GPR158: variants seen among roughly 807,000 people sequenced by gnomAD.
GPR158 encodes the protein metabotropic glycine receptor.
In GPR158, 30 loss-of-function variants were observed where a neutral mutation model predicts 78.2. That is an observed-to-expected ratio of 0.38 (90% confidence interval 0.29 to 0.52). GPR158 has a LOEUF of 0.52. Among genes scored for constraint, GPR158 ranks in the 20% least tolerant of loss-of-function variants. GPR158 has a pLI of 0.83. For missense variants in GPR158, 1,463 were observed against 1,523.5 expected, an observed-to-expected ratio of 0.96 and a Z score of 0.66; for synonymous variants, 581 against 591.1, an observed-to-expected ratio of 0.98 and a Z score of 0.25.
chr10:25,404,552 A>G (rs1411753217), intron 3 of GPR158, among the ~76,000 whole-genome samples: 1 of 152,122 alleles, frequency 6.6e-6, no homozygotes, highest in Admixed American at 6.6e-5. Flanking sequence ...CAGTAGATAG[A>G]ATACCTGTTA....
chr10:25,493,696 G>A (rs1380281513), intron 5 of GPR158, among the ~76,000 whole-genome samples: 1 of 152,166 alleles, frequency 6.6e-6, no homozygotes. Flanking sequence ...TAGTATCTGT[G>A]TTGAGAAATT....
intron 3 of GPR158, among the ~76,000 whole-genome samples, chr10:25,410,136 A>G (rs777827698): frequency 6.6e-6 from 1 of 152,182 alleles, no homozygotes. Context: ...TACATTTCCC[A>G]GTAATTATCC....
At chr10:25,306,453 C>G (rs555125970) in intron 2 of GPR158, among the ~76,000 whole-genome samples, 5 of 152,246 alleles carry the variant, frequency 3.3e-5, no homozygotes, top group African/African-American at 1.2e-4. Context: ...TCATGGTACA[C>G]AGAGTCGATT....
chr10:25,596,673 G>T lies in GPR158; in HGVS notation c.2029G>T (p.Asp677Tyr), dbSNP rs1292311306. Residue 677 changes from aspartate (D) to tyrosine (Y), a missense_variant, in exon 10 of 11, where the codon GAT (aspartate) becomes TAT (tyrosine). Coordinates refer to ENST00000376351, the MANE Select transcript of GPR158 (RefSeq NM_020752.3). ...FSHSSNNPRD[D>Y]IATEAYEDEL... ...ACATTCAAGCAATAACCCACGAGAT[G>T]ATATTGCTACAGAAGCATATGAGGA... 6.2e-7 allele frequency: 1 copy of T among 1,613,516 alleles called. No homozygotes were observed. Among genetic ancestry groups the T allele is most frequent in the East Asian group, 2.2e-5 (1 of 44,880 alleles).
chr10:25,500,618 G>A (rs768596561), intron 5 of GPR158, among the ~76,000 whole-genome samples: 7 of 152,266 alleles, frequency 4.6e-5, no homozygotes, highest in East Asian at 3.9e-4. Flanking sequence ...GTGTTTGTTC[G>A]CTTGGAATTA....
chr10:25,542,690 G>C (rs1264402905), intron 5 of GPR158, among the ~76,000 whole-genome samples: 2 of 151,836 alleles, frequency 1.3e-5, no homozygotes, highest in East Asian at 3.9e-4. Flanking sequence ...TGGGCGTGGT[G>C]GTGGGCACCT....
intron 2 of GPR158, among the ~76,000 whole-genome samples, chr10:25,352,950 A>G (rs1278550321): frequency 2.6e-5 from 4 of 152,074 alleles, no homozygotes; most frequent in Non-Finnish European, 5.9e-5. Flanking sequence ...AAAATAAATG[A>G]CATATGCAGT....
At chr10:25,216,122 A>G (rs1853209452) in intron 1 of GPR158, among the ~76,000 whole-genome samples, 1 of 152,144 alleles carries the variant, frequency 6.6e-6, no homozygotes, top group South Asian at 2.1e-4. Context: ...TCCCAAAGCC[A>G]CTAGCATAGA....
chr10:25,293,808 C>T (rs149171708), intron 2 of GPR158, among the ~76,000 whole-genome samples: 31 of 150,928 alleles, frequency 2.1e-4, no homozygotes, highest in African/African-American at 5.9e-4. Context: ...TGCAGTGGCA[C>T]GATCTTGGCT....
intron 2 of GPR158, among the ~76,000 whole-genome samples, chr10:25,276,181 A>T (rs148495045): frequency 2.1e-4 from 32 of 152,308 alleles, no homozygotes; most frequent in Middle Eastern, 3.4e-3. Flanking sequence ...GACGTGGTAC[A>T]TTTAATTAGC....
intron 2 of GPR158, among the ~76,000 whole-genome samples, chr10:25,350,605 G>A (rs1028275046): frequency 2.6e-5 from 4 of 151,986 alleles, no homozygotes; most frequent in Non-Finnish European, 4.4e-5. Context: ...AGCAAGATAA[G>A]GGTATTGAAA....
intron 5 of GPR158, among the ~76,000 whole-genome samples, chr10:25,527,351 A>C (rs1273030821): frequency 6.6e-6 from 1 of 152,198 alleles, no homozygotes; most frequent in Non-Finnish European, 1.5e-5. Flanking sequence ...TATACCATAA[A>C]ATGAATCCCT....
intron 2 of GPR158, among the ~76,000 whole-genome samples, chr10:25,372,731 A>G (rs1274916639): frequency 5.3e-5 from 6 of 113,346 alleles, no homozygotes; most frequent in Middle Eastern, 4.7e-3. Flanking sequence ...GGGGGGAGGG[A>G]TAGCACTGGG....
rs1216144782 is a variant in GPR158 at position 25,298,363 on chromosome 10, A to T, written c.1008+77206A>T. Reference sequence around the variant, plus strand: ...ATCTTTTAAAACAGGTCTTTTCTTTAAAAAATGTAAAGTTGTCTTATTGTT... The same window carrying T: ...ATCTTTTAAAACAGGTCTTTTCTTTTAAAAATGTAAAGTTGTCTTATTGTT... On this transcript the variant is annotated intron_variant, in intron 2 of 10. Coordinates refer to ENST00000376351, the MANE Select transcript of GPR158 (RefSeq NM_020752.3). Among the ~76,000 whole-genome samples the T allele has an allele frequency of 3.3e-5, 5 of 152,322 alleles. No individual in the cohort carries two copies. The South Asian group carries it at 8.3e-4, about 25-fold the overall frequency.
intron 4 of GPR158, among the ~76,000 whole-genome samples, chr10:25,419,255 A>G (rs556469987): frequency 1.3e-5 from 2 of 152,192 alleles, no homozygotes; most frequent in Admixed American, 6.5e-5. Context: ...ATATTTATTC[A>G]TTTGTATCTG....
chr10:25,252,572 C>G (rs1020033611), intron 2 of GPR158, among the ~76,000 whole-genome samples: 18 of 150,578 alleles, frequency 1.2e-4, no homozygotes, highest in East Asian at 3.9e-4. Context: ...AATACCCTGC[C>G]GTGTGAGGTG....
chr10:25,444,236 G>C (rs1162916279), intron 4 of GPR158, among the ~76,000 whole-genome samples: 1 of 151,498 alleles, frequency 6.6e-6, no homozygotes, highest in East Asian at 1.9e-4. Context: ...ATAATGGGGG[G>C]TGTGTGTGAG....
chr10:25,265,779 T>G (rs1472153287), intron 2 of GPR158, among the ~76,000 whole-genome samples: 1 of 152,182 alleles, frequency 6.6e-6, no homozygotes, highest in African/African-American at 2.4e-5. Flanking sequence ...GAACCAGGCA[T>G]GTCAGGCTCT....
At chr10:25,363,159 A>C (rs1457291021) in intron 2 of GPR158, among the ~76,000 whole-genome samples, 1 of 151,768 alleles carries the variant, frequency 6.6e-6, no homozygotes, top group Non-Finnish European at 1.5e-5. Flanking sequence ...TTGTTTTAGC[A>C]TTTGTTTGGC....
Sources: gnomAD v4.1 joint callset for allele counts (sites outside exome capture counted in the v4.1 genomes callset) on GRCh38, gnomAD v4.1.1 for gene constraint, MANE v1.5 for transcripts, NCBI Gene and HGNC (gene_info 2026-07-23, HGNC 2026-07-21) for gene names.